FMN1: variants seen among roughly 807,000 people sequenced by gnomAD.
FMN1 encodes formin-1.
FMN1 carries 110 observed loss-of-function variants against 132.4 expected under a neutral mutation model. That is an observed-to-expected ratio of 0.83 (90% CI 0.71 to 0.97). FMN1 has a LOEUF of 0.97. Among genes scored for constraint, FMN1 ranks in the 50% least tolerant of loss-of-function variants. The pLI, the probability that FMN1 is intolerant of heterozygous loss-of-function variation, is 0.00. For missense variants in FMN1, 1,792 were observed against 1,705.3 expected, an observed-to-expected ratio of 1.05 and a Z score of -0.90; for synonymous variants, 722 against 651.7, an observed-to-expected ratio of 1.11 and a Z score of -1.64.
At chr15:32,906,788 A>G (rs924678186) in intron 12 of FMN1, among the ~76,000 whole-genome samples, 6 of 152,196 alleles carry the variant, frequency 3.9e-5, no homozygotes, top group African/African-American at 1.4e-4. Flanking sequence ...TTGGTAAGGA[A>G]GGTGTCTCAA....
intron 6 of FMN1, among the ~76,000 whole-genome samples, chr15:33,029,850 G>A (rs2035852333): frequency 6.6e-6 from 1 of 152,128 alleles, no homozygotes. Flanking sequence ...GGTAGAAACA[G>A]GAATGTTATA....
chr15:33,103,372 T>TGAGA (rs1172160264), intron 4 of FMN1, among the ~76,000 whole-genome samples: 8 of 152,094 alleles, frequency 5.3e-5, no homozygotes, highest in Non-Finnish European at 1.0e-4. Flanking sequence ...CTTCTGGAGT[T>TGAGA]ACTATAAAGA....
At chr15:33,115,304 C>G (rs904901401) in intron 4 of FMN1, among the ~76,000 whole-genome samples, 1 of 152,108 alleles carries the variant, frequency 6.6e-6, no homozygotes, top group African/African-American at 2.4e-5. Context: ...GGAAATAATA[C>G]TTGAAGGATG....
chr15:33,105,886 G>A (rs1417078463), intron 4 of FMN1: 1 of 152,200 alleles, frequency 6.6e-6, no homozygotes, highest in East Asian at 1.9e-4. Context: ...TACTGTCTGA[G>A]CTTGTACTGT....
chr15:32,782,307 CTT>C (rs1421551210), intron 19 of FMN1, among the ~76,000 whole-genome samples: 1 of 152,176 alleles, frequency 6.6e-6, no homozygotes, highest in African/African-American at 2.4e-5. Flanking sequence ...GCATTGATAA[CTT>C]TTGTTTTTCT....
chr15:32,814,745 G>C (rs917328104), intron 17 of FMN1, among the ~76,000 whole-genome samples: 2 of 152,136 alleles, frequency 1.3e-5, no homozygotes, highest in African/African-American at 4.8e-5. Context: ...AAGGTGTATA[G>C]TTTCTGAAAG....
intron 16 of FMN1, among the ~76,000 whole-genome samples, chr15:32,858,923 T>C: frequency 6.6e-6 from 1 of 152,182 alleles, no homozygotes; most frequent in East Asian, 1.9e-4. Flanking sequence ...CCACTACCAT[T>C]CTTTTCTCAA....
chr15:33,146,463 A>T (rs751132178), intron 4 of FMN1, among the ~76,000 whole-genome samples: 16 of 152,268 alleles, frequency 1.1e-4, no homozygotes, highest in Non-Finnish European at 1.0e-4. Context: ...TATCCCATAC[A>T]TCTCTGAATT....
At chr15:33,164,875 C>T (rs1357434494) in intron 3 of FMN1, among the ~76,000 whole-genome samples, 2 of 152,172 alleles carry the variant, frequency 1.3e-5, no homozygotes, top group African/African-American at 4.8e-5. Flanking sequence ...GCATAATAAT[C>T]ACATCAGGGT....
chr15:32,802,067 C>T (rs1004852913), intron 18 of FMN1, among the ~76,000 whole-genome samples: 13 of 152,156 alleles, frequency 8.5e-5, no homozygotes, highest in Non-Finnish European at 1.2e-4. Context: ...GTCAATCATG[C>T]GATTTGAAAT....
At chr15:32,882,746 C>T (rs3110560) in intron 16 of FMN1, among the ~76,000 whole-genome samples, 42,728 of 151,924 alleles carry the variant, frequency 0.28, 6,499 homozygotes, top group African/African-American at 0.4. Flanking sequence ...TAAAAAAAAA[C>T]CCTGAAAGAA....
intron 2 of FMN1, among the ~76,000 whole-genome samples, chr15:33,182,598 T>A (rs1050305809): frequency 6.6e-6 from 1 of 152,194 alleles, no homozygotes; most frequent in Non-Finnish European, 1.5e-5. Flanking sequence ...ACCCTCGAAG[T>A]ATACAAGTGA....
chr15:33,124,070 G>A (rs992910244), intron 4 of FMN1, among the ~76,000 whole-genome samples: 4 of 152,094 alleles, frequency 2.6e-5, no homozygotes, highest in South Asian at 2.1e-4. Flanking sequence ...AAATGTGCCC[G>A]TCCATAAACA....
intron 17 of FMN1, among the ~76,000 whole-genome samples, chr15:32,850,703 A>G (rs1056095942): frequency 6.6e-6 from 1 of 152,216 alleles, no homozygotes; most frequent in Admixed American, 6.5e-5. Context: ...CTGTCATGGA[A>G]TACCCATCTA....
chr15:32,981,997 G>A (rs1386298341), intron 7 of FMN1, among the ~76,000 whole-genome samples: 1 of 152,112 alleles, frequency 6.6e-6, no homozygotes, highest in Non-Finnish European at 1.5e-5. Context: ...CACAGGACTT[G>A]TTTCCAGAGC....
intron 4 of FMN1, among the ~76,000 whole-genome samples, chr15:33,144,498 G>A (rs59847515): frequency 0.014 from 2,157 of 152,000 alleles, 55 homozygotes; most frequent in African/African-American, 0.05. Context: ...TTAGCCGGGC[G>A]TGGTGGCAGG....
At chr15:32,931,479 A>C (rs190042888) in intron 9 of FMN1, among the ~76,000 whole-genome samples, 2 of 152,220 alleles carry the variant, frequency 1.3e-5, no homozygotes, top group East Asian at 3.9e-4. Context: ...TTGTTTTCTT[A>C]ATTTCCCTTC....
chr15:33,117,462 C>T (rs1019562066), intron 4 of FMN1, among the ~76,000 whole-genome samples: 1 of 152,196 alleles, frequency 6.6e-6, no homozygotes, highest in African/African-American at 2.4e-5. Context: ...TCTTATTTAA[C>T]TGGCATATGC....
In FMN1 at chr15:32,964,113, G is replaced by A. The variant is rs563186076; in HGVS notation, c.3132C>T (p.Val1044=). The A allele has an allele frequency of 6.2e-7, 1 of 1,607,792 alleles. No homozygotes were observed. Among genetic ancestry groups the A allele is most frequent in the South Asian group, 1.1e-5 (1 of 90,344 alleles). The change falls in exon 9 of 21, where the codon GTC becomes GTT. Residue 1044 remains valine (V), a synonymous_variant. Transcript: ENST00000616417. Reference sequence around the variant, plus strand: ...TGCCATAATCACTCAGTACCTTTTTGACCTTGTTTTTCTTCTCATAAGTCT... The same window carrying A: ...TGCCATAATCACTCAGTACCTTTTTAACCTTGTTTTTCTTCTCATAAGTCT... ...LSETYEKKNK[V]KKIIKLLDGK... is the part of the protein sequence containing the mutation.
Sources: gnomAD v4.1 joint callset for allele counts (sites outside exome capture counted in the v4.1 genomes callset) on GRCh38, gnomAD v4.1.1 for gene constraint, MANE v1.5 for transcripts, NCBI Gene and HGNC (gene_info 2026-07-23, HGNC 2026-07-21) for gene names.